Variants in SUPT3H observed in about 807,000 individuals in gnomAD.
SUPT3H encodes the protein transcription initiation protein SPT3 homolog.
A neutral mutation model predicts 44.3 loss-of-function variants in SUPT3H; 44 were observed. The observed-to-expected ratio is 0.99, with a 90% CI of 0.78 to 1.28. The LOEUF is 1.28. Among genes scored for constraint, SUPT3H ranks in the 50% most tolerant of loss-of-function variants. The pLI is 0.00. For synonymous variants in SUPT3H, 124 were observed against 125.6 expected (o/e 0.99, Z 0.09); for missense variants, 380 against 387.1 (o/e 0.98, Z 0.15).
intron 11 of SUPT3H, among the ~76,000 whole-genome samples, chr6:44,811,859 CTTT>C (rs887010606): frequency 4.8e-5 from 7 of 145,762 alleles, no homozygotes; most frequent in Admixed American, 3.5e-4. Flanking sequence ...ATGGGTTGGT[CTTT>C]TTTTTTTTTT....
chr6:45,365,887 A>G (rs1312926663), intron 1 of SUPT3H, among the ~76,000 whole-genome samples: 2 of 141,664 alleles, frequency 1.4e-5, no homozygotes, highest in East Asian at 4.0e-4. Context: ...AAAGCATTAT[A>G]TTTTATAATC....
chr6:45,028,957 A>T (rs1786485232), intron 3 of SUPT3H, among the ~76,000 whole-genome samples: 1 of 150,958 alleles, frequency 6.6e-6, no homozygotes, highest in Non-Finnish European at 1.5e-5. Context: ...AAAACATCCA[A>T]GCCAGTGGCT....
downstream of SUPT3H, among the ~76,000 whole-genome samples, chr6:44,826,079 A>G (rs962797567): frequency 2.6e-5 from 4 of 152,224 alleles, no homozygotes; most frequent in African/African-American, 9.6e-5. Context: ...GTATCATGGT[A>G]TCAGTATCCG....
intron 2 of SUPT3H, among the ~76,000 whole-genome samples, chr6:45,270,704 C>T (rs941094442): frequency 2.6e-5 from 4 of 152,062 alleles, no homozygotes; most frequent in South Asian, 2.1e-4. Flanking sequence ...CAGAGTGGGG[C>T]ACTGCTGAAA....
intron 2 of SUPT3H, among the ~76,000 whole-genome samples, chr6:45,358,549 A>G (rs1793656825): frequency 1.3e-5 from 2 of 152,104 alleles, no homozygotes; most frequent in East Asian, 1.9e-4. Context: ...GTTGATGATG[A>G]TATTTATTTT....
At chr6:45,072,899 C>T (rs1336333805) in intron 3 of SUPT3H, among the ~76,000 whole-genome samples, 2 of 151,828 alleles carry the variant, frequency 1.3e-5, no homozygotes, top group Non-Finnish European at 2.9e-5. Flanking sequence ...AGCTGTGTCA[C>T]CACAAATCCA....
intron 2 of SUPT3H, among the ~76,000 whole-genome samples, chr6:45,150,943 G>A (rs1205890783): frequency 3.3e-5 from 5 of 151,852 alleles, no homozygotes; most frequent in African/African-American, 7.3e-5. Context: ...GGCTGGTCTC[G>A]AACTCCTGAC....
chr6:44,825,558 CCT>C (rs1287712002), downstream of SUPT3H, among the ~76,000 whole-genome samples: 1 of 152,192 alleles, frequency 6.6e-6, no homozygotes, highest in South Asian at 2.1e-4. Flanking sequence ...TCCTCAGTTT[CCT>C]CTCTCCTGCC....
intron 2 of SUPT3H, among the ~76,000 whole-genome samples, chr6:45,247,613 G>A (rs1382840789): frequency 2.6e-5 from 4 of 151,398 alleles, no homozygotes; most frequent in Non-Finnish European, 1.5e-5. Context: ...TGTGTTCTTT[G>A]TGCCTACCAC....
At chr6:45,100,541 T>TAAAAAAAAAAAAAAAAAAA (rs58120512) in intron 3 of SUPT3H, among the ~76,000 whole-genome samples, 3 of 33,454 alleles carry the variant, frequency 9.0e-5, no homozygotes, top group Non-Finnish European at 1.4e-4. Flanking sequence ...ACCCTGTACT[T>TAAAAAAAAAAAAAAAAAAA]AAAAAAAAAA....
At chr6:45,211,271 T>G (rs1427741145) in intron 2 of SUPT3H, among the ~76,000 whole-genome samples, 2 of 152,140 alleles carry the variant, frequency 1.3e-5, no homozygotes, top group African/African-American at 4.8e-5. Flanking sequence ...GATATCCATC[T>G]CTGTAAGGTG....
intron 2 of SUPT3H, among the ~76,000 whole-genome samples, chr6:45,120,417 TAAAAAAAA>T (rs71687494): frequency 4.0e-5 from 2 of 50,510 alleles, no homozygotes; most frequent in South Asian, 9.3e-4. Flanking sequence ...AGACCTTGTC[TAAAAAAAA>T]AAAAAAAAAA....
intron 2 of SUPT3H, among the ~76,000 whole-genome samples, chr6:45,169,986 C>T (rs1303289981): frequency 6.6e-6 from 1 of 152,064 alleles, no homozygotes; most frequent in Non-Finnish European, 1.5e-5. Context: ...AGGGCACAGC[C>T]CCAGGGGGTG....
chr6:45,084,936 A>G (rs1019569210), intron 3 of SUPT3H, among the ~76,000 whole-genome samples: 1 of 152,064 alleles, frequency 6.6e-6, no homozygotes. Context: ...TAAAGATGGG[A>G]ACAACAGACA....
chr6:45,092,746 G>A (rs1013188924), intron 3 of SUPT3H, among the ~76,000 whole-genome samples: 7 of 40,500 alleles, frequency 1.7e-4, no homozygotes, highest in South Asian at 1.5e-3. Flanking sequence ...GTGAGACTTC[G>A]TCTCAAAAAA....
rs1491408260 is a variant in SUPT3H, at chr6:45,253,872, T to TATATATATAC, written c.101+111328_101+111329insGTATATATAT. ...GCATATATATATATATATATATATA[T>TATATATATAC]ACACACACACAGTACATATATAGAA... On this transcript the variant is annotated intron_variant, in intron 2 of 10. Transcript: ENST00000371459. Among the ~76,000 whole-genome samples the TATATATATAC allele has an allele frequency of 1.5e-3, 189 of 124,080 alleles. 2 individuals carry two copies. Among genetic ancestry groups the TATATATATAC allele is most frequent in the Middle Eastern group, 4.2e-3 (1 of 236 alleles). The allele number at this position is 124,080 out of a possible 152,430, so 81.4% of individuals were successfully genotyped here. A position where few individuals can be genotyped will look rare whatever the true frequency, so the allele number is the denominator to read the frequency against.
At chr6:45,084,745 G>A (rs189726580) in intron 3 of SUPT3H, among the ~76,000 whole-genome samples, 77 of 152,236 alleles carry the variant, frequency 5.1e-4, no homozygotes, top group Non-Finnish European at 9.1e-4. Flanking sequence ...GATAAAGCAA[G>A]TGTGTTACAT....
chr6:45,120,434 A>AAAAAAAAG, intron 2 of SUPT3H, among the ~76,000 whole-genome samples: 1 of 148,604 alleles, frequency 6.7e-6, no homozygotes, highest in Non-Finnish European at 1.5e-5. Flanking sequence ...AAAAAAAAAA[A>AAAAAAAAG]AAAAAAAGAC....
At chr6:44,945,577 A>T (rs1773207289) in intron 9 of SUPT3H, among the ~76,000 whole-genome samples, 1 of 152,232 alleles carries the variant, frequency 6.6e-6, no homozygotes, top group Non-Finnish European at 1.5e-5. Context: ...TAGGATGAAT[A>T]GAAGATCAAA....
Sources: allele counts gnomAD v4.1 joint callset (sites outside exome capture counted in the v4.1 genomes callset), GRCh38; gene constraint gnomAD v4.1.1; transcripts MANE v1.5; gene names NCBI Gene and HGNC (gene_info 2026-07-23, HGNC 2026-07-21).